Variants in DLG2 observed in about 807,000 individuals in gnomAD.
The protein encoded by DLG2 is discs large MAGUK scaffold protein 2.
In DLG2, 45 loss-of-function variants were observed where a neutral mutation model predicts 132.5. That is an observed-to-expected ratio of 0.34 (90% CI 0.27 to 0.44). The LOEUF (loss-of-function observed/expected upper bound fraction) is 0.44. Ranked by LOEUF, DLG2 falls within the 20% of genes least tolerant of loss-of-function variation. The pLI is 1.00. For missense variants in DLG2, 1,045 were observed against 1,196.9 expected, an observed-to-expected ratio of 0.87 and a Z score of 1.87; for synonymous variants, 424 against 419.6, an observed-to-expected ratio of 1.01 and a Z score of -0.13.
intron 17 of DLG2, among the ~76,000 whole-genome samples, chr11:83,795,622 G>T (rs1215280069): frequency 6.6e-6 from 1 of 152,118 alleles, no homozygotes; most frequent in Non-Finnish European, 1.5e-5. Context: ...AAGATGAGTG[G>T]TTTACCATTC....
chr11:84,934,504 G>GTTTTTTTTTTTTTTTTTTT (rs113436905), intron 6 of DLG2, among the ~76,000 whole-genome samples: 1 of 33,870 alleles, frequency 3.0e-5, no homozygotes, highest in Non-Finnish European at 5.0e-5. Flanking sequence ...GGTCCTGGGT[G>GTTTTTTTTTTTTTTTTTTT]TTTTTTTTTT....
intron 7 of DLG2, among the ~76,000 whole-genome samples, chr11:84,378,852 GA>G (rs72342158): frequency 0.38 from 57,509 of 151,708 alleles, 15,726 homozygotes; most frequent in African/African-American, 0.78. Flanking sequence ...GGCTGAGGAA[GA>G]AAAAATCGTT....
At chr11:84,117,549 T>C (rs376595830) in intron 9 of DLG2, among the ~76,000 whole-genome samples, 11 of 152,164 alleles carry the variant, frequency 7.2e-5, no homozygotes, top group Non-Finnish European at 4.4e-5. Flanking sequence ...TTTCCTCATG[T>C]ATCTAAACGT....
intron 4 of DLG2, among the ~76,000 whole-genome samples, chr11:85,171,422 G>A (rs575155483): frequency 6.6e-6 from 1 of 152,140 alleles, no homozygotes; most frequent in Non-Finnish European, 1.5e-5. Flanking sequence ...AGATCCCCTC[G>A]TGAGCCAATG....
At chr11:85,487,540 C>T (rs985551250) in intron 3 of DLG2, among the ~76,000 whole-genome samples, 1 of 148,666 alleles carries the variant, frequency 6.7e-6, no homozygotes, top group East Asian at 2.0e-4. Flanking sequence ...ACAAAATAAA[C>T]TCAAAAGTTT....
chr11:84,389,491 T>A (rs1440166458), intron 7 of DLG2, among the ~76,000 whole-genome samples: 1 of 152,124 alleles, frequency 6.6e-6, no homozygotes. Context: ...TTAATTTTCT[T>A]TTTGGGCCTT....
At chr11:84,867,287 A>T (rs542515192) in intron 6 of DLG2, among the ~76,000 whole-genome samples, 1 of 152,244 alleles carries the variant, frequency 6.6e-6, no homozygotes, top group Admixed American at 6.5e-5. Context: ...GAAGTGTCTG[A>T]AGTTACCTCT....
chr11:83,482,319 C>A (rs980684430), intron 22 of DLG2, among the ~76,000 whole-genome samples: 3 of 151,896 alleles, frequency 2.0e-5, no homozygotes, highest in African/African-American at 7.3e-5. Context: ...TTGCCCATAG[C>A]TGTTAATTTA....
At chr11:83,480,715 T>C in intron 22 of DLG2, 1 of 1,143,354 alleles carries the variant, frequency 8.7e-7, no homozygotes, top group South Asian at 1.4e-5. Context: ...CCCATTCATA[T>C]ACCTCTGACT....
At chr11:84,832,435 T>C (rs1247342076) in intron 6 of DLG2, among the ~76,000 whole-genome samples, 1 of 151,622 alleles carries the variant, frequency 6.6e-6, no homozygotes, top group East Asian at 1.9e-4. Flanking sequence ...AGGAGTGGCC[T>C]TTCTTGACTT....
intron 7 of DLG2, among the ~76,000 whole-genome samples, chr11:84,472,379 A>G (rs1193765061): frequency 6.6e-6 from 1 of 151,934 alleles, no homozygotes; most frequent in African/African-American, 2.4e-5. Context: ...TGGTGAGATA[A>G]ATATTAAAAT....
At chr11:84,796,363 G>C (rs181605066) in intron 6 of DLG2, among the ~76,000 whole-genome samples, 25 of 152,204 alleles carry the variant, frequency 1.6e-4, no homozygotes, top group African/African-American at 5.8e-4. Context: ...GTCTTGAAAA[G>C]TTGCAGCTAT....
chr11:83,692,317 G>C (rs1260283450), intron 18 of DLG2, among the ~76,000 whole-genome samples: 3 of 152,172 alleles, frequency 2.0e-5, no homozygotes, highest in Non-Finnish European at 2.9e-5. Flanking sequence ...TAAACAGCCT[G>C]ATTCTCTGTA....
chr11:83,950,426 C>T (rs1396360148), intron 14 of DLG2, among the ~76,000 whole-genome samples: 14 of 152,128 alleles, frequency 9.2e-5, no homozygotes, highest in Non-Finnish European at 1.9e-4. Context: ...GAAACCCTGC[C>T]TCTACTAAAA....
intron 3 of DLG2, among the ~76,000 whole-genome samples, chr11:85,422,950 G>A (rs555279245): frequency 7.9e-6 from 1 of 127,160 alleles, no homozygotes; most frequent in Admixed American, 8.4e-5. Flanking sequence ...GTAAATCAGG[G>A]ATTTCTTCTT....
intron 3 of DLG2, among the ~76,000 whole-genome samples, chr11:85,593,022 G>A (rs1490469518): frequency 6.6e-6 from 1 of 150,974 alleles, no homozygotes; most frequent in Admixed American, 6.6e-5. Flanking sequence ...AAGAAAGGAG[G>A]GAGGGAGGGA....
At chr11:84,725,324 T>C (rs777789901) in intron 6 of DLG2, among the ~76,000 whole-genome samples, 1 of 152,164 alleles carries the variant, frequency 6.6e-6, no homozygotes, top group Non-Finnish European at 1.5e-5. Context: ...AGATAACACA[T>C]GAACTTTGGA....
chr11:85,006,642 GTCTA>G (rs1179220167), intron 6 of DLG2, among the ~76,000 whole-genome samples: 3 of 151,946 alleles, frequency 2.0e-5, no homozygotes, highest in East Asian at 1.9e-4. Flanking sequence ...CTGGCTAGCG[GTCTA>G]TCTATTATGT....
At chr11:85,611,820 C>G (rs2081020381) in intron 2 of DLG2, among the ~76,000 whole-genome samples, 1 of 152,144 alleles carries the variant, frequency 6.6e-6, no homozygotes, top group South Asian at 2.1e-4. Flanking sequence ...AGTGCAAAAA[C>G]CCAAGGGGGT....
Sources: gnomAD v4.1 joint callset for allele counts (sites outside exome capture counted in the v4.1 genomes callset) on GRCh38, gnomAD v4.1.1 for gene constraint, MANE v1.5 for transcripts, NCBI Gene and HGNC (gene_info 2026-07-23, HGNC 2026-07-21) for gene names.